The following MYH13 variants were observed in gnomAD, a reference collection of about 807,000 sequenced individuals.
The protein encoded by MYH13 is myosin-13.
In MYH13, 177 loss-of-function variants were observed where a neutral mutation model predicts 232.1. The observed-to-expected ratio is 0.76, with a 90% CI of 0.67 to 0.86. The LOEUF (loss-of-function observed/expected upper bound fraction) is 0.86, where lower values mean the gene tolerates loss of function less well. Among genes scored for constraint, MYH13 ranks in the 40% least tolerant of loss-of-function variants. The pLI is 0.00. For synonymous variants in MYH13, 884 were observed against 923.5 expected (o/e 0.96, Z 0.78); for missense variants, 2,246 against 2,405.9 (o/e 0.93, Z 1.39).
At chr17:10,319,494 G>A (rs924236706) in intron 26 of MYH13, among the ~76,000 whole-genome samples, 2 of 130,896 alleles carry the variant, frequency 1.5e-5, no homozygotes, top group Admixed American at 8.6e-5. Context: ...GGGTGACAGA[G>A]CAAGACTCGG....
At chr17:10,324,366 G>T (rs1907119255) in intron 22 of MYH13, 102 bp from the exon 23 acceptor site, 10 of 1,435,468 alleles carry the variant, frequency 7.0e-6, no homozygotes, top group Non-Finnish European at 9.5e-6. Flanking sequence ...CCTAAGCCAA[G>T]AAATGGGTCA....
chr17:10,348,214 A>G (rs540375678), intron 12 of MYH13, among the ~76,000 whole-genome samples: 2 of 152,290 alleles, frequency 1.3e-5, no homozygotes, highest in African/African-American at 4.8e-5. Flanking sequence ...TAAACTTGAA[A>G]GGGGTGATAC....
intron 18 of MYH13, among the ~76,000 whole-genome samples, chr17:10,334,469 G>A (rs1907520324): frequency 1.3e-5 from 2 of 152,070 alleles, no homozygotes; most frequent in African/African-American, 4.8e-5. Context: ...TTCATGTAAC[G>A]GTGGCCACCC....
At chr17:10,335,849 CTCTT>C (rs2071570345) in intron 18 of MYH13, among the ~76,000 whole-genome samples, 1 of 152,202 alleles carries the variant, frequency 6.6e-6, no homozygotes, top group East Asian at 1.9e-4. Context: ...TGGCTGAGGC[CTCTT>C]TCTTCTTAAG....
chr17:10,305,935 A>G (rs1006190176), intron 37 of MYH13, among the ~76,000 whole-genome samples: 7 of 152,144 alleles, frequency 4.6e-5, no homozygotes, highest in Admixed American at 1.3e-4. Context: ...CTGTGCCAGA[A>G]TTGCAGCCTG....
chr17:10,366,488 C>T (rs141867401), intron 2 of MYH13, among the ~76,000 whole-genome samples: 278 of 148,504 alleles, frequency 1.9e-3, no homozygotes, highest in African/African-American at 6.8e-3. Context: ...TCGAGCAATT[C>T]TCCTGCCTCA....
At position 10,345,559 on chromosome 17, in the gene MYH13, T is replaced by G. The variant is rs370306502; in HGVS notation, c.1321A>C (p.Met441Leu). The change falls in exon 14 of 41, where the codon ATG becomes CTG. Residue 441 changes from methionine to leucine, a missense_variant. Transcript: ENST00000252172. ...KAVYEKMFLWMVTRINQQLDT... is the reference protein window; with the variant it reads ...KAVYEKMFLWLVTRINQQLDT... ...AGCTGCTGGTTGATGCGGGTGACCA[T>G]CCACAGGAACATCTTCTCGTAGACG... 141 of 1,614,144 alleles carry G rather than the reference T, an allele frequency of 8.7e-5. 2 individuals are homozygous for G. The East Asian group carries it at 1.6e-3, about 18-fold the overall frequency.
rs376248112 is a variant in MYH13 at position 10,319,075 on chromosome 17, G to A, written c.3453C>T (p.Ser1151=). 18 of 1,613,968 alleles carry A rather than the reference G, an allele frequency of 1.1e-5. No individual in the cohort carries two copies. The highest frequency in any genetic ancestry group is 1.4e-5 in the Non-Finnish European group (17 of 1,180,036). Residue 1151 remains serine (S), a synonymous_variant, in exon 27 of 41, where the codon AGC becomes AGT. Transcript: ENST00000252172. ...CCCCACTGGCTTCTTCCAGCCTCTC[G>A]CTGATCTCCTCCAGTTCCCTGGCCA... ...SDLARELEEI[S]ERLEEASGAT...
intron 29 of MYH13, among the ~76,000 whole-genome samples, chr17:10,314,490 A>G (rs1906632325): frequency 6.6e-6 from 1 of 151,778 alleles, no homozygotes; most frequent in African/African-American, 2.4e-5. Context: ...TATTCTTGCC[A>G]AAGGACAGCC....
intron 26 of MYH13, among the ~76,000 whole-genome samples, chr17:10,319,505 T>G (rs1906853274): frequency 2.3e-5 from 1 of 43,034 alleles, no homozygotes; most frequent in African/African-American, 1.0e-4. Flanking sequence ...CAAGACTCGG[T>G]CTCAAAAAAA....
intron 27 of MYH13, among the ~76,000 whole-genome samples, chr17:10,316,806 G>A (rs1224043400): frequency 6.6e-6 from 1 of 151,518 alleles, no homozygotes; most frequent in African/African-American, 2.4e-5. Context: ...CCTTGTGTGT[G>A]TTGACCTTTC....
chr17:10,307,089 G>C (rs1198603875), intron 35 of MYH13, 25 bp from the exon 36 acceptor site: 3 of 1,611,726 alleles, frequency 1.9e-6, no homozygotes, highest in Non-Finnish European at 2.5e-6. Context: ...AGATATCAGG[G>C]GTGTGGGTTC....
chr17:10,329,071 T>G (rs982201728), intron 21 of MYH13, among the ~76,000 whole-genome samples: 2 of 152,206 alleles, frequency 1.3e-5, no homozygotes, highest in African/African-American at 2.4e-5. Flanking sequence ...ACATAGCTTA[T>G]GGATTCCTGA....
intron 19 of MYH13, among the ~76,000 whole-genome samples, 163 bp downstream of exon 19, chr17:10,332,911 C>T (rs1238178245): frequency 6.6e-6 from 1 of 152,178 alleles, no homozygotes; most frequent in Non-Finnish European, 1.5e-5. Context: ...TGGGCTGGCC[C>T]ACTCACTGTG....
intron 37 of MYH13, among the ~76,000 whole-genome samples, chr17:10,305,870 A>T (rs1171844699): frequency 6.6e-6 from 1 of 152,222 alleles, no homozygotes; most frequent in Non-Finnish European, 1.5e-5. Context: ...TGGTGCATCA[A>T]GCTAAAGGAA....
intron 13 of MYH13, among the ~76,000 whole-genome samples, chr17:10,345,991 C>CAAAAAAAAAAAAAAAAAAAAAAAAA (rs1211414796): frequency 2.4e-5 from 2 of 83,084 alleles, no homozygotes; most frequent in African/African-American, 5.9e-5. Flanking sequence ...GACTCTGTCT[C>CAAAAAAAAAAAAAAAAAAAAAAAAA]AAAAAAAAAA....
At chr17:10,360,362 C>T (rs539655598) in intron 5 of MYH13, among the ~76,000 whole-genome samples, 174 bp from the exon 6 acceptor site, 1 of 152,246 alleles carries the variant, frequency 6.6e-6, no homozygotes, top group African/African-American at 2.4e-5. Context: ...GCAGATTTCT[C>T]AAATGTGGGA....
rs1906697113 is a variant in MYH13 at position 10,315,991 on chromosome 17, T to A, written c.3773A>T (p.Asp1258Val). ...NIERTCRTVE[D>V]QFSEIKAKDE... ...CTTGGCTTTGATTTCACTAAATTGA[T>A]CTTCTACCGTCCGGCACGTTCTTTC... is the stretch of plus-strand genomic sequence containing the variant. The change falls in exon 28 of 41, where the codon GAT becomes GTT. Residue 1258 changes from aspartate (D) to valine (V), a missense_variant. Physicochemically the swap from Asp to Val is radical, Grantham distance 152. Coordinates refer to ENST00000252172, the MANE Select transcript of MYH13 (RefSeq NM_003802.3). 7 of 1,613,904 alleles carry A rather than the reference T, an allele frequency of 4.3e-6. No individual in the cohort carries two copies. The highest frequency in any genetic ancestry group is 5.9e-6 in the Non-Finnish European group (7 of 1,179,906).
intron 12 of MYH13, among the ~76,000 whole-genome samples, chr17:10,347,650 C>T (rs975712772): frequency 6.6e-5 from 10 of 151,164 alleles, no homozygotes; most frequent in African/African-American, 2.4e-4. Flanking sequence ...TTGAGAAGGA[C>T]CTGGGGGCCT....
Sources: allele counts gnomAD v4.1 joint callset (sites outside exome capture counted in the v4.1 genomes callset), GRCh38; gene constraint gnomAD v4.1.1; transcripts MANE v1.5; gene names NCBI Gene and HGNC (gene_info 2026-07-23, HGNC 2026-07-21).